Variants in CUX1 observed in about 807,000 individuals in gnomAD.
CUX1 encodes the protein cut like homeobox 1.
Under a neutral mutation model 158.8 loss-of-function variants are expected in CUX1, and 31 were observed. The observed-to-expected ratio is 0.20, with a 90% CI of 0.15 to 0.26. The LOEUF is 0.26. Ranked by LOEUF, CUX1 falls within the 10% of genes least tolerant of loss-of-function variation. The pLI, the probability that CUX1 is intolerant of heterozygous loss-of-function variation, is 1.00. For missense variants in CUX1, 1,589 were observed against 2,014.6 expected (o/e 0.79, Z 4.04); for synonymous variants, 879 against 862.1 (o/e 1.02, Z -0.34).
At chr7:102,044,173 C>A (rs1039086137) in intron 3 of CUX1, among the ~76,000 whole-genome samples, 2 of 151,636 alleles carry the variant, frequency 1.3e-5, no homozygotes, top group Non-Finnish European at 2.9e-5. Flanking sequence ...AGATCCTTAG[C>A]CCATTTTCCG....
intron 2 of CUX1, among the ~76,000 whole-genome samples, chr7:101,973,048 G>C (rs1022056430): frequency 1.3e-5 from 2 of 152,158 alleles, no homozygotes; most frequent in African/African-American, 4.8e-5. Context: ...TGCTTTTCAG[G>C]CAGCCGAAAT....
In CUX1 at chr7:102,204,414, C is replaced by T. The variant is rs781915613; in HGVS notation, c.2931C>T (p.Ser977=). Reference sequence around the variant, plus strand: ...AGGTGCTGGGCCTGTCCCAGGGCAGCGTCAGCGACATGCTGTCCCGACCGA... The same window carrying T: ...AGGTGCTGGGCCTGTCCCAGGGCAGTGTCAGCGACATGCTGTCCCGACCGA... ...GEKVLGLSQG[S]VSDMLSRPKP... is the part of the protein sequence containing the mutation. Residue 977 remains serine (S), a synonymous_variant, in exon 19 of 24, where the codon AGC becomes AGT. Coordinates refer to ENST00000292535, the MANE Select transcript of CUX1 (RefSeq NM_181552.4). 3.1e-6 allele frequency: 5 copies of T among 1,613,448 alleles called. No homozygotes were observed. The highest frequency in any genetic ancestry group is 1.3e-5 in the African/African-American group (1 of 74,946).
rs1322680033 is a variant in CUX1, at chr7:102,256,460, C to T, written c.*7418C>T. On this transcript the variant is annotated 3_prime_UTR_variant, in exon 24 of 24. Transcript: ENST00000292535. ...TGGTTACTATCCTCTGCCTTCCTCT[C>T]CTCCCCTACTCCCCCAGAGAACCAA... 1.0e-6 allele frequency: 1 copy of T among 985,306 alleles called. No individual in the cohort carries two copies. Among genetic ancestry groups the T allele is most frequent in the Non-Finnish European group, 1.2e-6 (1 of 829,956 alleles). The allele number at this position is 985,306 out of a possible 1,614,324, so 61.0% of individuals were successfully genotyped here.
At chr7:101,962,027 TAA>T (rs1391483981) in intron 2 of CUX1, 1 of 152,154 alleles carries the variant, frequency 6.6e-6, no homozygotes. Flanking sequence ...GCCAAAATAT[TAA>T]GTCTCCTTTA....
At chr7:102,261,746 G>A (rs1790417924), downstream of CUX1, among the ~76,000 whole-genome samples, 2 of 152,058 alleles carry the variant, frequency 1.3e-5, no homozygotes, top group African/African-American at 4.8e-5. Flanking sequence ...TTAAGTCGAT[G>A]CTCAGGAAAT....
In CUX1 at chr7:102,239,650, C is replaced by T. The variant is rs535000037; in HGVS notation, c.3887+66C>T. 4 of 1,539,306 alleles carry T rather than the reference C, an allele frequency of 2.6e-6. No individual in the cohort carries two copies. In the South Asian group the frequency reaches 5.0e-5, roughly 19 times the overall value. ...GGAAGGGGCTGATCTGTCCGGAGGC[C>T]GCCATGGCGCACAGGGGTGAGGCTG... On this transcript the variant is annotated intron_variant, in intron 23 of 23. Coordinates refer to ENST00000292535, the MANE Select transcript of CUX1 (RefSeq NM_181552.4).
At chr7:102,169,844 C>T (rs1335578773) in intron 9 of CUX1, among the ~76,000 whole-genome samples, 1 of 152,176 alleles carries the variant, frequency 6.6e-6, no homozygotes, top group African/African-American at 2.4e-5. Flanking sequence ...TCTACGTCCT[C>T]GGATTGGCCT....
intron 11 of CUX1, among the ~76,000 whole-genome samples, chr7:102,183,644 G>C (rs1307033016): frequency 3.3e-5 from 5 of 152,136 alleles, no homozygotes; most frequent in African/African-American, 1.2e-4. Flanking sequence ...TGTCAGCTAA[G>C]GGTCTGTGCC....
intron 3 of CUX1, among the ~76,000 whole-genome samples, chr7:102,039,066 A>G (rs1206620212): frequency 1.3e-5 from 2 of 152,218 alleles, no homozygotes; most frequent in African/African-American, 4.8e-5. Flanking sequence ...AATATGATAA[A>G]ACTTTGTTGT....
At chr7:101,893,405 G>T (rs535889829) in intron 1 of CUX1, among the ~76,000 whole-genome samples, 2 of 152,046 alleles carry the variant, frequency 1.3e-5, no homozygotes, top group Admixed American at 1.3e-4. Flanking sequence ...AAAACTGCAC[G>T]TGAAAGATTT....
Position 102,196,723 on chromosome 7 carries a change from C to T in CUX1, c.1312C>T (p.Pro438Ser). 1 of 1,612,522 alleles carries T rather than the reference C, an allele frequency of 6.2e-7. No individual in the cohort carries two copies. Among genetic ancestry groups the T allele is most frequent in the Non-Finnish European group, 8.5e-7 (1 of 1,178,892 alleles). ...CCCTCCTTCTCAGTTGCCCCGCAAC[C>T]CGGGGGAGCAGGCTTCCAATACTAA... ...APPPSQLPRN[P>S]GEQASNTNGT... is the part of the protein sequence containing the mutation. The change falls in exon 15 of 24, where the codon CCG becomes TCG. Residue 438 changes from proline (P) to serine (S), a missense_variant. By Grantham distance (74) the Pro-to-Ser change is moderately conservative. Transcript: ENST00000292535.
chr7:102,244,756 A>G (rs1800626590), intron 23 of CUX1, among the ~76,000 whole-genome samples: 1 of 152,082 alleles, frequency 6.6e-6, no homozygotes, highest in Non-Finnish European at 1.5e-5. Flanking sequence ...TGCCAGAACA[A>G]CATGCCACAG....
chr7:102,132,518 A>G (rs1227798118), intron 8 of CUX1, among the ~76,000 whole-genome samples: 1 of 151,352 alleles, frequency 6.6e-6, no homozygotes, highest in African/African-American at 2.4e-5. Context: ...CTGCCCGACC[A>G]TACCTGCTCC....
intron 8 of CUX1, among the ~76,000 whole-genome samples, chr7:102,132,315 G>GCA (rs797038101): frequency 0.015 from 2 of 130 alleles, no homozygotes; most frequent in Middle Eastern, 0.25. Flanking sequence ...GTGTGCGCGC[G>GCA]CGCGCGCGCA....
chr7:102,112,576 TG>T (rs1318726081), intron 7 of CUX1, among the ~76,000 whole-genome samples: 8 of 87,480 alleles, frequency 9.1e-5, no homozygotes, highest in African/African-American at 4.7e-4. Flanking sequence ...GTTTTGTTTT[TG>T]TTTTTTTTTT....
chr7:101,983,834 C>T (rs928805920), intron 2 of CUX1, among the ~76,000 whole-genome samples: 1 of 151,976 alleles, frequency 6.6e-6, no homozygotes, highest in African/African-American at 2.4e-5. Flanking sequence ...CCCACCAGGC[C>T]CCACCTCCAA....
intron 11 of CUX1, among the ~76,000 whole-genome samples, chr7:102,186,596 T>TA (rs782309001): frequency 0.082 from 7,596 of 92,390 alleles, 217 homozygotes; most frequent in Non-Finnish European, 0.095. Context: ...TATATATATA[T>TA]TTTTTTTTAT....
chr7:102,069,352 G>A (rs978561078), intron 3 of CUX1, among the ~76,000 whole-genome samples: 2 of 152,136 alleles, frequency 1.3e-5, no homozygotes, highest in Admixed American at 6.6e-5. Flanking sequence ...GCAGACTCTC[G>A]TGGGTCCCCT....
At chr7:101,886,234 C>T (rs368298536) in intron 1 of CUX1, among the ~76,000 whole-genome samples, 5 of 152,116 alleles carry the variant, frequency 3.3e-5, no homozygotes, top group African/African-American at 1.2e-4. Flanking sequence ...CACTCTCCTG[C>T]CAAGGCTGGA....
Sources: gnomAD v4.1 joint callset for allele counts (sites outside exome capture counted in the v4.1 genomes callset) on GRCh38, gnomAD v4.1.1 for gene constraint, MANE v1.5 for transcripts, NCBI Gene and HGNC (gene_info 2026-07-23, HGNC 2026-07-21) for gene names.